Variants in USP34 observed in about 807,000 individuals in gnomAD.
USP34 encodes the protein ubiquitin specific peptidase 34, also known as ubiquitin carboxyl-terminal hydrolase 34.
In USP34, 70 loss-of-function variants were observed where a neutral mutation model predicts 460.3. The ratio of observed to expected loss-of-function variants is 0.15; its 90% CI spans 0.13 to 0.19. The LOEUF (loss-of-function observed/expected upper bound fraction) is 0.19, where lower values mean the gene tolerates loss of function less well. USP34 is among the 10% of genes least tolerant of loss of function. The pLI is 1.00. For missense variants in USP34, 3,985 were observed against 4,236.2 expected, an observed-to-expected ratio of 0.94 and a Z score of 1.65; for synonymous variants, 1,647 against 1,405.3, an observed-to-expected ratio of 1.17 and a Z score of -3.85.
intron 1 of USP34, among the ~76,000 whole-genome samples, chr2:61,438,082 A>G (rs1002170224): frequency 2.0e-5 from 3 of 152,148 alleles, no homozygotes; most frequent in Non-Finnish European, 4.4e-5. Context: ...TGTCCTTGAT[A>G]AACATAGACA....
At chr2:61,446,960 G>A (rs1695137424) in intron 1 of USP34, among the ~76,000 whole-genome samples, 1 of 151,860 alleles carries the variant, frequency 6.6e-6, no homozygotes, top group Admixed American at 6.6e-5. Flanking sequence ...CACAGCATCA[G>A]AAAATAACAT....
At chr2:61,369,930 A>G (rs539263596) in intron 10 of USP34, among the ~76,000 whole-genome samples, 1 of 150,516 alleles carries the variant, frequency 6.6e-6, no homozygotes, top group South Asian at 2.1e-4. Context: ...AACATGTAAT[A>G]TATTTTTTAT....
At chr2:61,341,155 G>A (rs1299440308) in intron 16 of USP34, among the ~76,000 whole-genome samples, 2 of 152,168 alleles carry the variant, frequency 1.3e-5, no homozygotes, top group African/African-American at 4.8e-5. Context: ...CATCCATGAT[G>A]TTGGATGTGT....
At chr2:61,434,990 A>C (rs901029977) in intron 1 of USP34, among the ~76,000 whole-genome samples, 3 of 152,140 alleles carry the variant, frequency 2.0e-5, no homozygotes, top group African/African-American at 7.2e-5. Flanking sequence ...AAGGAAAATA[A>C]TTCATGATTT....
chr2:61,210,900 A>G (rs1264147745), intron 69 of USP34, among the ~76,000 whole-genome samples: 1 of 152,136 alleles, frequency 6.6e-6, no homozygotes, highest in South Asian at 2.1e-4. Context: ...ATTTATTTAT[A>G]TAGAGATGGG....
chr2:61,251,613 T>C (rs1260127053), intron 48 of USP34, among the ~76,000 whole-genome samples: 2 of 152,242 alleles, frequency 1.3e-5, no homozygotes, highest in Non-Finnish European at 2.9e-5. Flanking sequence ...CAGTATCTTT[T>C]TACTCTTCAT....
chr2:61,302,147 T>A (rs577704320), intron 27 of USP34, among the ~76,000 whole-genome samples: 1 of 152,226 alleles, frequency 6.6e-6, no homozygotes, highest in East Asian at 1.9e-4. Context: ...AAAAAAATGA[T>A]TAGAGCAGGA....
At chr2:61,441,067 G>T (rs930672618) in intron 1 of USP34, among the ~76,000 whole-genome samples, 5 of 151,260 alleles carry the variant, frequency 3.3e-5, no homozygotes. Flanking sequence ...GGCGGAGCTT[G>T]CAGTGAGCTG....
chr2:61,237,554 ATTTTTTTTTTTTTTTTTTT>A (rs71403400), intron 53 of USP34, among the ~76,000 whole-genome samples: 6 of 45,126 alleles, frequency 1.3e-4, no homozygotes, highest in African/African-American at 5.4e-4. Flanking sequence ...TTTTCTGTGG[ATTTTTTTTTTTTTTTTTTT>A]TTTTTTTTTT....
At chr2:61,304,797 G>A (rs1690349441) in intron 27 of USP34, among the ~76,000 whole-genome samples, 1 of 152,150 alleles carries the variant, frequency 6.6e-6, no homozygotes, top group South Asian at 2.1e-4. Context: ...TATTATGGCT[G>A]AACTGGATTT....
chr2:61,459,622 A>G (rs1695541805), intron 1 of USP34, among the ~76,000 whole-genome samples: 1 of 152,048 alleles, frequency 6.6e-6, no homozygotes, highest in Non-Finnish European at 1.5e-5. Context: ...TAAAAATACA[A>G]AAGAATTAGC....
In USP34 at chr2:61,208,937, G is replaced by C. The variant is rs769149806; in HGVS notation, c.8881C>G (p.Leu2961Val). ...ATCAATCCTCGATTAAATACAACAA[G>C]AAGTCTGTCTTCATCAGATTCTAAT... Reference protein sequence around the residue: ...ILLESDEDRLLVVFNRGLILM... With the variant: ...ILLESDEDRLVVVFNRGLILM... The change falls in exon 70 of 80, where the codon CTT becomes GTT. Residue 2961 changes from leucine (L) to valine (V), a missense_variant. Physicochemically the swap from Leu to Val is conservative, Grantham distance 32. Around this residue, in one of 14 missense-constraint regions of USP34, gnomAD observed 275 missense variants for 292.7 expected, o/e 0.94. Transcript: ENST00000398571. 1 of 1,595,850 alleles carries C rather than the reference G, an allele frequency of 6.3e-7. No individual in the cohort carries two copies. Among genetic ancestry groups the C allele is most frequent in the Non-Finnish European group, 8.5e-7 (1 of 1,171,626 alleles).
chr2:61,422,270 T>C (rs1225418645), intron 1 of USP34, among the ~76,000 whole-genome samples: 1 of 152,154 alleles, frequency 6.6e-6, no homozygotes, highest in African/African-American at 2.4e-5. Flanking sequence ...TCCCCAGCCA[T>C]AACAGTGCCT....
At chr2:61,431,728 G>A (rs551418675) in intron 1 of USP34, among the ~76,000 whole-genome samples, 4 of 152,054 alleles carry the variant, frequency 2.6e-5, no homozygotes, top group South Asian at 2.1e-4. Flanking sequence ...GGTGTTAGGC[G>A]CCTGTAATCC....
At chr2:61,228,502 CA>C in intron 61 of USP34, 142 bp downstream of exon 61, 1 of 565,212 alleles carries the variant, frequency 1.8e-6, no homozygotes, top group Non-Finnish European at 2.9e-6. Flanking sequence ...TTAAAAACAT[CA>C]ACCAATCTTA....
At chr2:61,467,888 TG>T (rs1476722421) in intron 1 of USP34, among the ~76,000 whole-genome samples, 1 of 151,992 alleles carries the variant, frequency 6.6e-6, no homozygotes. Flanking sequence ...CCCAAAGTGT[TG>T]GGAATACAGG....
intron 62 of USP34, among the ~76,000 whole-genome samples, chr2:61,226,515 C>T (rs947805125): frequency 1.3e-5 from 2 of 152,186 alleles, no homozygotes; most frequent in South Asian, 2.1e-4. Context: ...ATATCATATA[C>T]ACTTTTTCCC....
At chr2:61,366,350 A>C (rs952953248) in intron 10 of USP34, among the ~76,000 whole-genome samples, 2 of 152,242 alleles carry the variant, frequency 1.3e-5, no homozygotes, top group African/African-American at 4.8e-5. Flanking sequence ...TGGGCTCAGA[A>C]TAAGAGATTT....
intron 48 of USP34, among the ~76,000 whole-genome samples, chr2:61,255,895 G>A (rs1688712242): frequency 6.6e-6 from 1 of 152,106 alleles, no homozygotes; most frequent in Non-Finnish European, 1.5e-5. Flanking sequence ...GGCCCCAAAG[G>A]GCAAGAATAC....
Sources: allele counts gnomAD v4.1 joint callset (sites outside exome capture counted in the v4.1 genomes callset), GRCh38; gene constraint gnomAD v4.1.1; regional missense constraint gnomAD v4.1.1; transcripts MANE v1.5; gene names NCBI Gene and HGNC (gene_info 2026-07-23, HGNC 2026-07-21).